The following AACS variants were observed in gnomAD, a reference collection of about 807,000 sequenced individuals.
The protein encoded by AACS is acetoacetyl-CoA synthetase.
Under a neutral mutation model 83.1 loss-of-function variants are expected in AACS, and 69 were observed. That is an observed-to-expected ratio of 0.83 (90% CI 0.68 to 1.01). The LOEUF (loss-of-function observed/expected upper bound fraction) is 1.01. AACS is among the 50% of genes least tolerant of loss of function. The pLI is 0.00. For missense variants in AACS, 866 were observed against 882.2 expected (o/e 0.98, Z 0.23); for synonymous variants, 333 against 343.4 (o/e 0.97, Z 0.33).
intron 7 of AACS, chr12:125,105,830 A>T (rs1434041695): frequency 6.6e-6 from 1 of 152,212 alleles, no homozygotes; most frequent in Non-Finnish European, 1.5e-5. Context: ...GGGCCATTTG[A>T]CAGAAAAGGC....
intron 5 of AACS, among the ~76,000 whole-genome samples, chr12:125,099,825 G>A (rs1217363043): frequency 6.6e-6 from 1 of 152,036 alleles, no homozygotes; most frequent in Non-Finnish European, 1.5e-5. Flanking sequence ...ATAAGCATGG[G>A]CCACCGTGTC....
intron 1 of AACS, among the ~76,000 whole-genome samples, chr12:125,068,024 G>A (rs2136024655): frequency 6.6e-6 from 1 of 152,346 alleles, no homozygotes; most frequent in East Asian, 1.9e-4. Flanking sequence ...CCCTGGGGTT[G>A]TGGAGTAAAC....
rs753887519 is a variant in AACS, at chr12:125,129,429, G to A, written c.1518G>A (p.Lys506=). 6.2e-7 allele frequency: 1 copy of A among 1,613,986 alleles called. No individual in the cohort carries two copies. Among genetic ancestry groups the A allele is most frequent in the Admixed American group, 1.7e-5 (1 of 59,994 alleles). Residue 506 remains lysine (K), a synonymous_variant, in exon 14 of 18, where the codon AAG becomes AAA. Transcript: ENST00000316519. The surrounding 1 kb of genome is among the most constrained non-coding windows in gnomAD (Gnocchi z 4.3). ...TCTGGAACGATGAGAACGGCAACAA[G>A]TACAGGAAGGCGTATTTCTCCAAAT... The part of the protein sequence containing the change: ...THFWNDENGN[K]YRKAYFSKFP...
chr12:125,106,070 C>T (rs1248541508), intron 7 of AACS, among the ~76,000 whole-genome samples: 1 of 152,180 alleles, frequency 6.6e-6, no homozygotes, highest in Admixed American at 6.5e-5. Context: ...TTTAAGGATG[C>T]CTTCTCATGC....
intron 7 of AACS, among the ~76,000 whole-genome samples, chr12:125,106,801 A>C (rs1592979324): frequency 6.6e-6 from 1 of 152,202 alleles, no homozygotes; most frequent in African/African-American, 2.4e-5. Context: ...TGGCTTGTTC[A>C]TTGTAAGTGA....
intron 8 of AACS, among the ~76,000 whole-genome samples, chr12:125,111,208 C>T (rs886577972): frequency 6.0e-5 from 9 of 151,216 alleles, no homozygotes; most frequent in South Asian, 4.2e-4. Context: ...TAGTTGGAAT[C>T]GCGTTTTCCC....
chr12:125,137,005 G>C (rs1483027628), intron 17 of AACS, 141 bp downstream of exon 17: 3 of 807,826 alleles, frequency 3.7e-6, no homozygotes, highest in Non-Finnish European at 3.9e-6. Context: ...TCCTCTCCCT[G>C]CCATCCTTTT....
In AACS at chr12:125,129,329, T is replaced by C; in HGVS notation, c.1424-6T>C. On this transcript the variant is annotated splice_polypyrimidine_tract_variant and splice_region_variant and intron_variant, in intron 13 of 17. Coordinates refer to ENST00000316519, the MANE Select transcript of AACS (RefSeq NM_023928.5). This position sits in a 1 kb window ranked among gnomAD's most constrained non-coding sequence, Gnocchi z 4.3. ...GTTGGGCTTATTTTTAATTCTCCCA[T>C]ACCAGGAAAGGCGGTCTGGGGAGAG... 6.2e-7 allele frequency: 1 copy of C among 1,610,854 alleles called. No homozygotes were observed. The highest frequency in any genetic ancestry group is 1.1e-5 in the South Asian group (1 of 90,676).
chr12:125,116,434 C>T (rs1423204810), intron 9 of AACS, among the ~76,000 whole-genome samples: 9 of 152,030 alleles, frequency 5.9e-5, no homozygotes, highest in African/African-American at 2.2e-4. Flanking sequence ...GCAGCTTGAC[C>T]CCACCTGTGT....
chr12:125,132,048 C>T (rs1053601264), intron 14 of AACS, among the ~76,000 whole-genome samples: 17 of 152,198 alleles, frequency 1.1e-4, no homozygotes, highest in African/African-American at 4.1e-4. Context: ...CCTCAGCTCC[C>T]AGGAGACTCG....
intron 3 of AACS, among the ~76,000 whole-genome samples, chr12:125,085,906 C>T (rs1159148200): frequency 6.6e-6 from 1 of 152,142 alleles, no homozygotes; most frequent in Admixed American, 6.5e-5. Flanking sequence ...TCCTTTGCCT[C>T]AGCCTCCCAA....
rs999726642 is a variant in AACS at position 125,065,455 on chromosome 12, C to G, written c.-130C>G. On this transcript the variant is annotated 5_prime_UTR_variant, in exon 1 of 18. Transcript: ENST00000316519. ...CGTTCAGTCCCTTGTTCCCCGCCGC[C>G]GCCGTCGCTGACCCAGCCCGCCAGG... is the stretch of plus-strand genomic sequence containing the variant. The G allele has an allele frequency of 3.8e-6, 4 of 1,044,646 alleles. No individual in the cohort carries two copies. Among genetic ancestry groups the G allele is most frequent in the Non-Finnish European group, 5.1e-6 (4 of 783,502 alleles). The allele number at this position is 1,044,646 out of a possible 1,614,324, so 64.7% of individuals were successfully genotyped here. A position where few individuals can be genotyped will look rare whatever the true frequency, so the allele number is the denominator to read the frequency against.
At chr12:125,082,550 G>A (rs772464612) in intron 3 of AACS, among the ~76,000 whole-genome samples, 3 of 32,840 alleles carry the variant, frequency 9.1e-5, no homozygotes, top group Non-Finnish European at 1.7e-4. Flanking sequence ...TCGCCAGCAC[G>A]GTGGCTCACA....
At chr12:125,075,553 A>G (rs1200182960) in intron 2 of AACS, among the ~76,000 whole-genome samples, 2 of 150,908 alleles carry the variant, frequency 1.3e-5, no homozygotes, top group African/African-American at 4.9e-5. Flanking sequence ...TGGCCTGCCA[A>G]AGTGCTGGGA....
At chr12:125,125,813 AT>A (rs1957237737) in intron 12 of AACS, 2 of 56,472 alleles carry the variant, frequency 3.5e-5, no homozygotes, top group East Asian at 8.9e-4. Flanking sequence ...AAACATGGCC[AT>A]TGGCCATGAT....
chr12:125,107,698 C>T (rs909121624), intron 8 of AACS, among the ~76,000 whole-genome samples: 1 of 152,232 alleles, frequency 6.6e-6, no homozygotes, highest in African/African-American at 2.4e-5. Context: ...CAATGGCCCA[C>T]ACCTATAACC....
At chr12:125,098,062 T>C (rs1956649475) in intron 5 of AACS, among the ~76,000 whole-genome samples, 1 of 152,186 alleles carries the variant, frequency 6.6e-6, no homozygotes. Context: ...TCATCACCTT[T>C]CTACTATCCA....
chr12:125,128,352 G>A (rs757772243), intron 13 of AACS, 78 bp downstream of exon 13: 8 of 1,317,066 alleles, frequency 6.1e-6, no homozygotes, highest in Non-Finnish European at 8.3e-6. Context: ...GTGTAACTTT[G>A]CTTGGACATA....
intron 1 of AACS, among the ~76,000 whole-genome samples, chr12:125,068,093 G>T (rs1467768870): frequency 6.6e-6 from 1 of 152,194 alleles, no homozygotes; most frequent in African/African-American, 2.4e-5. Context: ...CTCCTTCAGG[G>T]CTCTCAGACT....
Sources: gnomAD v4.1 joint callset for allele counts (sites outside exome capture counted in the v4.1 genomes callset) on GRCh38, gnomAD v4.1.1 for gene constraint, Gnocchi (gnomAD v3.1) non-coding constraint, MANE v1.5 for transcripts, NCBI Gene and HGNC (gene_info 2026-07-23, HGNC 2026-07-21) for gene names.